TNFSF13: variants seen among roughly 807,000 people sequenced by gnomAD.
The protein encoded by TNFSF13 is tumor necrosis factor ligand superfamily member 13.
Under a neutral mutation model 30.7 loss-of-function variants are expected in TNFSF13, and 18 were observed. The ratio of observed to expected loss-of-function variants is 0.59; its 90% CI spans 0.41 to 0.87. The LOEUF (loss-of-function observed/expected upper bound fraction) is 0.87, where lower values mean the gene tolerates loss of function less well. Ranked by LOEUF, TNFSF13 falls within the 40% of genes least tolerant of loss-of-function variation. TNFSF13 has a pLI of 0.00. For missense variants in TNFSF13, 286 were observed against 308.8 expected, an observed-to-expected ratio of 0.93 and a Z score of 0.55; for synonymous variants, 116 against 123.2, an observed-to-expected ratio of 0.94 and a Z score of 0.39.
rs2071142961 is a variant in TNFSF13 at position 7,559,664 on chromosome 17, C to A, written c.299C>A (p.Ser100Tyr). ...ALEAWENGER[S>Y]RKRRAVLTQK... is the part of the protein sequence containing the mutation. ...GAAGCCTGGGAGAATGGGGAGAGAT[C>A]CCGGAAAAGGAGAGCAGTGCTCACC... The change falls in exon 2 of 6, where the codon TCC (serine) becomes TAC (tyrosine). Residue 100 changes from serine to tyrosine, a missense_variant. Coordinates refer to ENST00000338784, the MANE Select transcript of TNFSF13 (RefSeq NM_003808.4). The surrounding 1 kb of genome is among the most constrained non-coding windows in gnomAD (Gnocchi z 5.4). The A allele has an allele frequency of 3.1e-6, 5 of 1,613,566 alleles. 1 individual carries two copies. The East Asian group carries it at 6.7e-5, about 22-fold the overall frequency.
At position 7,559,969 on chromosome 17, in the gene TNFSF13, G is replaced by T. The variant is rs1311386371; in HGVS notation, c.385+76G>T. On this transcript the variant is annotated intron_variant, in intron 3 of 5. Coordinates refer to ENST00000338784, the MANE Select transcript of TNFSF13 (RefSeq NM_003808.4). This position sits in a 1 kb window ranked among gnomAD's most constrained non-coding sequence, Gnocchi z 5.4. Reference sequence around the variant, plus strand: ...TCGGGCTGGCACTTGGGCTCAAGGGGTCCTTATAGGTGAAAGGGAAAGAAC... The same window carrying T: ...TCGGGCTGGCACTTGGGCTCAAGGGTTCCTTATAGGTGAAAGGGAAAGAAC... The T allele has an allele frequency of 2.3e-5, 37 of 1,613,772 alleles. No homozygotes were observed. Among genetic ancestry groups the T allele is most frequent in the Non-Finnish European group, 3.0e-5 (35 of 1,179,970 alleles).
intron 5 of TNFSF13, 43 bp from the exon 6 acceptor site, chr17:7,560,681 A>G: frequency 6.2e-7 from 1 of 1,613,628 alleles, no homozygotes; most frequent in East Asian, 2.2e-5. Flanking sequence ...GGGCATCTGG[A>G]TGGCTGTGCT....
rs551743227 is a variant in TNFSF13 at position 7,560,505 on chromosome 17, C to A, written c.643+17C>A. Reference sequence around the variant, plus strand: ...ATAGCGCAGGTGAGAGCCGTGTGGGCAGCCGAAAGCAGGACGTCTCTGACC... The same window carrying A: ...ATAGCGCAGGTGAGAGCCGTGTGGGAAGCCGAAAGCAGGACGTCTCTGACC... On this transcript the variant is annotated intron_variant, in intron 5 of 5. Transcript: ENST00000338784. 6 of 1,613,718 alleles carry A rather than the reference C, an allele frequency of 3.7e-6. No homozygotes were observed. In the South Asian group the frequency reaches 4.4e-5, roughly 12 times the overall value.
In TNFSF13 at chr17:7,560,391, G is replaced by T. The variant is rs746225335; in HGVS notation, c.546G>T (p.Val182=). Residue 182 remains valine, a synonymous_variant, in exon 5 of 6, where the codon GTG becomes GTT. Coordinates refer to ENST00000338784, the MANE Select transcript of TNFSF13 (RefSeq NM_003808.4). The part of the protein sequence containing the change: ...QDVTFTMGQV[V]SREGQGRQET... ...TGACTTTCACCATGGGTCAGGTGGT[G>T]TCTCGAGAAGGCCAAGGAAGGCAGG... The T allele has an allele frequency of 8.1e-6, 13 of 1,614,092 alleles. No individual in the cohort carries two copies. The Admixed American group carries it at 1.2e-4, about 14-fold the overall frequency.
Position 7,559,289 on chromosome 17 carries a change from C to A in TNFSF13, c.250C>A (p.Pro84Thr). 6.2e-7 allele frequency: 1 copy of A among 1,603,144 alleles called. No homozygotes were observed. Among genetic ancestry groups the A allele is most frequent in the Non-Finnish European group, 8.5e-7 (1 of 1,175,054 alleles). The stretch of plus-strand genomic sequence containing the variant: ...GGAAGGGTATCCCTGGCAGAGTCTC[C>A]CGGAGCAGGTGAGTGAGGGGAGGAG... ...NGEGYPWQSL[P>T]EQSSDALEAW... Residue 84 changes from proline (P) to threonine (T), a missense_variant, in exon 1 of 6, where the codon CCG becomes ACG. Transcript: ENST00000338784. The surrounding 1 kb of genome is among the most constrained non-coding windows in gnomAD (Gnocchi z 5.4).
At position 7,560,116 on chromosome 17, in the gene TNFSF13, A is replaced by C. The variant is rs1163101111; in HGVS notation, c.453A>C (p.Gln151His). 1 of 1,614,184 alleles carries C rather than the reference A, an allele frequency of 6.2e-7. No homozygotes were observed. Among genetic ancestry groups the C allele is most frequent in the Admixed American group, 1.7e-5 (1 of 60,028 alleles). ...ALRRGRGLQA[Q>H]GYGVRIQDAG... ...GGCGTGGGAGAGGCCTACAGGCCCA[A>C]GGATATGGTGTCCGAATCCAGGATG... The change falls in exon 4 of 6, where the codon CAA becomes CAC. Residue 151 changes from glutamine to histidine, a missense_variant. Coordinates refer to ENST00000338784, the MANE Select transcript of TNFSF13 (RefSeq NM_003808.4).
rs1567724090 is a variant in TNFSF13 at position 7,558,904 on chromosome 17, T to C, written c.-136T>C. ...TTGCTTTCCTCCTCCCTCCTTTTTA[T>C]TTTCAAGTTCCTTTTTATTTCTCCT... On this transcript the variant is annotated 5_prime_UTR_variant, in exon 1 of 6. Transcript: ENST00000338784. This position sits in a 1 kb window ranked among gnomAD's most constrained non-coding sequence, Gnocchi z 4.3. The C allele has an allele frequency of 1.8e-6, 2 of 1,107,850 alleles. No homozygotes were observed. Among genetic ancestry groups the C allele is most frequent in the Admixed American group, 2.7e-5 (1 of 37,038 alleles). 68.6% of individuals were successfully genotyped at this position (1,107,850 alleles called of 1,614,324 possible).
At chr17:7,560,283 G>A (rs1047531802) in intron 4 of TNFSF13, 67 bp from the exon 5 acceptor site, 16 of 1,611,866 alleles carry the variant, frequency 9.9e-6, no homozygotes, top group East Asian at 6.7e-5. Context: ...CCTCGTTAGC[G>A]CTCCTGAGGC....
In TNFSF13 at chr17:7,561,079, C is replaced by T. The variant is rs374229965; in HGVS notation, c.*246C>T. The T allele has an allele frequency of 4.3e-4, 684 of 1,599,188 alleles. 3 individuals are homozygous for T. In the African/African-American group the frequency reaches 8.4e-3, roughly 20 times the overall value. ...GTGTGTGTAGATGAGGGGCGGGGGA[C>T]GGGCGCCAGGCATTGTCCAGACCTG... On this transcript the variant is annotated 3_prime_UTR_variant, in exon 6 of 6. Transcript: ENST00000338784. The surrounding 1 kb of genome is among the most constrained non-coding windows in gnomAD (Gnocchi z 4.4).
chr17:7,559,015 C>T lies in TNFSF13; in HGVS notation c.-25C>T. 1 of 1,500,188 alleles carries T rather than the reference C, an allele frequency of 6.7e-7. No homozygotes were observed. 92.9% of individuals were successfully genotyped at this position (1,500,188 alleles called of 1,614,324 possible). A position where few individuals can be genotyped will look rare whatever the true frequency, so the allele number is the denominator to read the frequency against. ...CCTTGCTACCCCACTCTTGAAACCA[C>T]AGCTGTTGGCAGGGTCCCCAGCTCA... is the stretch of plus-strand genomic sequence containing the variant. On this transcript the variant is annotated 5_prime_UTR_variant, in exon 1 of 6. Transcript: ENST00000338784. The surrounding 1 kb of genome is among the most constrained non-coding windows in gnomAD (Gnocchi z 5.4).
Position 7,559,261 on chromosome 17 carries a change from T to G in TNFSF13, c.222T>G (p.Asn74Lys). The change falls in exon 1 of 6, where the codon AAT becomes AAG. Residue 74 changes from asparagine (N) to lysine (K), a missense_variant. Physicochemically the swap from Asn to Lys is moderately conservative, Grantham distance 94 (BLOSUM62 0). Transcript: ENST00000338784. This position sits in a 1 kb window ranked among gnomAD's most constrained non-coding sequence, Gnocchi z 5.4. ...RLQGTGGPSQ[N>K]GEGYPWQSLP... is the part of the protein sequence containing the mutation. ...AGGGGACAGGAGGCCCCTCCCAGAA[T>G]GGGGAAGGGTATCCCTGGCAGAGTC... 2 of 1,608,736 alleles carry G rather than the reference T, an allele frequency of 1.2e-6. No individual in the cohort carries two copies. The highest frequency in any genetic ancestry group is 1.7e-6 in the Non-Finnish European group (2 of 1,178,534).
At position 7,560,409 on chromosome 17, in the gene TNFSF13, A is replaced by T; in HGVS notation, c.564A>T (p.Gly188=). The stretch of plus-strand genomic sequence containing the variant: ...AGGTGGTGTCTCGAGAAGGCCAAGG[A>T]AGGCAGGAGACTCTATTCCGATGTA... ...MGQVVSREGQ[G]RQETLFRCIR... Residue 188 remains glycine, a synonymous_variant, in exon 5 of 6, where the codon GGA becomes GGT. Transcript: ENST00000338784. The T allele has an allele frequency of 6.2e-7, 1 of 1,614,206 alleles. No homozygotes were observed. Among genetic ancestry groups the T allele is most frequent in the East Asian group, 2.2e-5 (1 of 44,886 alleles).
At position 7,558,998 on chromosome 17, in the gene TNFSF13, C is replaced by A; in HGVS notation, c.-42C>A. 6.7e-7 allele frequency: 1 copy of A among 1,489,814 alleles called. No homozygotes were observed. Among genetic ancestry groups the A allele is most frequent in the Non-Finnish European group, 9.0e-7 (1 of 1,115,496 alleles). The allele number at this position is 1,489,814 out of a possible 1,614,324, so 92.3% of individuals were successfully genotyped here. On this transcript the variant is annotated 5_prime_UTR_variant, in exon 1 of 6. Transcript: ENST00000338784. The surrounding 1 kb of genome is among the most constrained non-coding windows in gnomAD (Gnocchi z 4.3). Reference sequence around the variant, plus strand: ...TACCCGCCCCGCCACCTCCTTGCTACCCCACTCTTGAAACCACAGCTGTTG... The same window carrying A: ...TACCCGCCCCGCCACCTCCTTGCTAACCCACTCTTGAAACCACAGCTGTTG...
chr17:7,559,757 G>T lies in TNFSF13; in HGVS notation c.337+55G>T. ...GAGGTGATCAAGCAGCGTGGGGATT[G>T]TAAGCCCGAGTCAGGGTGAGGGTGG... On this transcript the variant is annotated intron_variant, in intron 2 of 5. Transcript: ENST00000338784. This position sits in a 1 kb window ranked among gnomAD's most constrained non-coding sequence, Gnocchi z 5.4. The T allele has an allele frequency of 6.2e-7, 1 of 1,613,942 alleles. No individual in the cohort carries two copies. Among genetic ancestry groups the T allele is most frequent in the Non-Finnish European group, 8.5e-7 (1 of 1,179,864 alleles).
Position 7,559,651 on chromosome 17 carries a change from A to G in TNFSF13, c.286A>G (p.Asn96Asp). The G allele has an allele frequency of 6.2e-7, 1 of 1,613,524 alleles. No individual in the cohort carries two copies. Among genetic ancestry groups the G allele is most frequent in the Non-Finnish European group, 8.5e-7 (1 of 1,179,874 alleles). The change falls in exon 2 of 6, where the codon AAT (asparagine) becomes GAT (aspartate). Residue 96 changes from asparagine to aspartate, a missense_variant. Asn to Asp is a conservative substitution (Grantham distance 23). Transcript: ENST00000338784. This position sits in a 1 kb window ranked among gnomAD's most constrained non-coding sequence, Gnocchi z 5.4. ...TTCCGATGCCCTGGAAGCCTGGGAG[A>G]ATGGGGAGAGATCCCGGAAAAGGAG... ...QSSDALEAWE[N>D]GERSRKRRAV...
rs2071192595 is a variant in TNFSF13 at position 7,560,990 on chromosome 17, A to G, written c.*157A>G. ...TCCTCACTTTTCCCTTTTCATTCCCACCCCCTAGACTTTGATTTTACGGAT... is the reference window on the plus strand; with the variant it reads ...TCCTCACTTTTCCCTTTTCATTCCCGCCCCCTAGACTTTGATTTTACGGAT... On this transcript the variant is annotated 3_prime_UTR_variant, in exon 6 of 6. Coordinates refer to ENST00000338784, the MANE Select transcript of TNFSF13 (RefSeq NM_003808.4). 6.2e-7 allele frequency: 1 copy of G among 1,612,486 alleles called. No individual in the cohort carries two copies. Among genetic ancestry groups the G allele is most frequent in the African/African-American group, 1.3e-5 (1 of 74,266 alleles).
chr17:7,558,905 T>G lies in TNFSF13; in HGVS notation c.-135T>G. On this transcript the variant is annotated 5_prime_UTR_variant, in exon 1 of 6. It adds an upstream start codon to the 5' untranslated region. Transcript: ENST00000338784. The surrounding 1 kb of genome is among the most constrained non-coding windows in gnomAD (Gnocchi z 4.3). ...TGCTTTCCTCCTCCCTCCTTTTTAT[T>G]TTCAAGTTCCTTTTTATTTCTCCTT... 9.0e-7 allele frequency: 1 copy of G among 1,111,902 alleles called. No individual in the cohort carries two copies. Among genetic ancestry groups the G allele is most frequent in the East Asian group, 2.7e-5 (1 of 36,738 alleles). The allele number at this position is 1,111,902 out of a possible 1,614,324, so 68.9% of individuals were successfully genotyped here. A position where few individuals can be genotyped will look rare whatever the true frequency, so the allele number is the denominator to read the frequency against.
rs2071199247 is a variant in TNFSF13, at chr17:7,561,249, C to T, written c.*416C>T. Reference sequence around the variant, plus strand: ...TCCATGCCACACCTCTCTCCAGGTGCCCTCTGCCTCTTCACCCCACAAGAA... The same window carrying T: ...TCCATGCCACACCTCTCTCCAGGTGTCCTCTGCCTCTTCACCCCACAAGAA... On this transcript the variant is annotated 3_prime_UTR_variant, in exon 6 of 6. Coordinates refer to ENST00000338784, the MANE Select transcript of TNFSF13 (RefSeq NM_003808.4). The surrounding 1 kb of genome is among the most constrained non-coding windows in gnomAD (Gnocchi z 4.4). 1.7e-6 allele frequency: 1 copy of T among 597,828 alleles called. No individual in the cohort carries two copies. Among genetic ancestry groups the T allele is most frequent in the Non-Finnish European group, 3.0e-6 (1 of 336,904 alleles). 37.0% of individuals were successfully genotyped at this position (597,828 alleles called of 1,614,324 possible).
At position 7,559,683 on chromosome 17, in the gene TNFSF13, G is replaced by A. The variant is rs1191601100; in HGVS notation, c.318G>A (p.Val106=). The part of the protein sequence containing the change: ...NGERSRKRRA[V]LTQKQKKQHS... ...AGAGATCCCGGAAAAGGAGAGCAGT[G>A]CTCACCCAAAAACAGAAGAGTGAGG... Residue 106 remains valine (V), a synonymous_variant, in exon 2 of 6, where the codon GTG becomes GTA. Coordinates refer to ENST00000338784, the MANE Select transcript of TNFSF13 (RefSeq NM_003808.4). The surrounding 1 kb of genome is among the most constrained non-coding windows in gnomAD (Gnocchi z 5.4). 4 of 1,613,752 alleles carry A rather than the reference G, an allele frequency of 2.5e-6. No individual in the cohort carries two copies. Among genetic ancestry groups the A allele is most frequent in the African/African-American group, 2.7e-5 (2 of 74,872 alleles).
Sources: gnomAD v4.1 joint callset for allele counts on GRCh38, gnomAD v4.1.1 for gene constraint, Gnocchi (gnomAD v3.1) non-coding constraint, MANE v1.5 for transcripts, NCBI Gene and HGNC (gene_info 2026-07-23, HGNC 2026-07-21) for gene names.